Variants in RPF1 observed in about 807,000 individuals in gnomAD.
The protein encoded by RPF1 is ribosome production factor 1.
RPF1 carries 34 observed loss-of-function variants against 41.9 expected under a neutral mutation model. The observed-to-expected ratio is 0.81, with a 90% CI of 0.62 to 1.08. The LOEUF (loss-of-function observed/expected upper bound fraction) is 1.08, where lower values mean the gene tolerates loss of function less well. RPF1 is among the 50% of genes least tolerant of loss of function. The probability of loss-of-function intolerance (pLI) is 0.00; values close to 1 mark genes in which losing one functional copy is unlikely to be tolerated. For missense variants in RPF1, 425 were observed against 435.2 expected, an observed-to-expected ratio of 0.98 and a Z score of 0.21; for synonymous variants, 140 against 148.9, an observed-to-expected ratio of 0.94 and a Z score of 0.43.
rs759625845 is a variant in RPF1, at chr1:84,490,444, T to C, written c.588T>C (p.Ile196=). 3.1e-6 allele frequency: 5 copies of C among 1,602,422 alleles called. No homozygotes were observed. Among genetic ancestry groups the C allele is most frequent in the Non-Finnish European group, 4.3e-6 (5 of 1,176,246 alleles). ...QCIARDFTDL[I]VINEDRKTPN... is the part of the protein sequence containing the mutation. Reference sequence around the variant, plus strand: ...TCGCAAGAGATTTCACAGACCTGATTGTTATTAATGAAGATCGTAAAACCC... The same window carrying C: ...TCGCAAGAGATTTCACAGACCTGATCGTTATTAATGAAGATCGTAAAACCC... The change falls in exon 5 of 9, where the codon ATT becomes ATC. Residue 196 remains isoleucine (I), a synonymous_variant. Transcript: ENST00000370654.
intron 7 of RPF1, 44 bp downstream of exon 7, chr1:84,496,107 T>C (rs754136089): frequency 1.3e-6 from 2 of 1,505,520 alleles, no homozygotes; most frequent in Admixed American, 2.0e-5. Context: ...AATTATGAAA[T>C]ATATTTTCAA....
intron 3 of RPF1, among the ~76,000 whole-genome samples, chr1:84,483,685 A>G (rs963821326): frequency 6.6e-6 from 1 of 152,242 alleles, no homozygotes; most frequent in African/African-American, 2.4e-5. Context: ...TAGTTTCAAG[A>G]TAATCTTTCA....
Position 84,495,405 on chromosome 1 carries a change from C to T in RPF1, c.649C>T (p.Pro217Ser), listed in dbSNP as rs1681914985. 1 of 1,539,242 alleles carries T rather than the reference C, an allele frequency of 6.5e-7. No individual in the cohort carries two copies. The highest frequency in any genetic ancestry group is 8.9e-7 in the Non-Finnish European group (1 of 1,126,736). ...GLILSHLPNG[P>S]TAHFKMSSVR... Reference sequence around the variant, plus strand: ...TATTTTGAGTCACTTGCCAAATGGCCCAACTGCTCATTTTAAAATGAGCAG... The same window carrying T: ...TATTTTGAGTCACTTGCCAAATGGCTCAACTGCTCATTTTAAAATGAGCAG... The change falls in exon 6 of 9, where the codon CCA becomes TCA. Residue 217 changes from proline (P) to serine (S), a missense_variant. Pro to Ser is a moderately conservative substitution (Grantham distance 74). Coordinates refer to ENST00000370654, the MANE Select transcript of RPF1 (RefSeq NM_025065.7).
intron 5 of RPF1, among the ~76,000 whole-genome samples, chr1:84,493,056 C>G (rs1681862731): frequency 6.6e-6 from 1 of 152,164 alleles, no homozygotes; most frequent in Non-Finnish European, 1.5e-5. Flanking sequence ...AATAAAGCCT[C>G]TTGCACAATG....
chr1:84,496,432 GGAGA>G, intron 8 of RPF1, 62 bp downstream of exon 8: 1 of 1,434,232 alleles, frequency 7.0e-7, no homozygotes, highest in Non-Finnish European at 9.5e-7. Context: ...GAGGGTGGGA[GGAGA>G]GAGAGCATCA....
intron 5 of RPF1, among the ~76,000 whole-genome samples, chr1:84,491,848 A>G: frequency 6.6e-6 from 1 of 152,126 alleles, no homozygotes; most frequent in South Asian, 2.1e-4. Context: ...CACTTATACC[A>G]TCTATTGCCT....
At chr1:84,487,769 G>A (rs1681760947) in intron 3 of RPF1, among the ~76,000 whole-genome samples, 1 of 151,976 alleles carries the variant, frequency 6.6e-6, no homozygotes, top group African/African-American at 2.4e-5. Flanking sequence ...TGTGAGAATG[G>A]AAACCAGTTA....
In RPF1 at chr1:84,480,910, A is replaced by G. The variant is rs749659593; in HGVS notation, c.229-46A>G. ...TAGTTTCAGTATGTGTTTGTGATAT[A>G]ACTGGTTGTTTCTCAGTATTGTTCT... On this transcript the variant is annotated intron_variant, in intron 1 of 8. Coordinates refer to ENST00000370654, the MANE Select transcript of RPF1 (RefSeq NM_025065.7). 5.9e-6 allele frequency: 6 copies of G among 1,016,374 alleles called. 1 individual carries two copies. In the South Asian group the frequency reaches 6.8e-5, roughly 11 times the overall value. 63.0% of individuals were successfully genotyped at this position (1,016,374 alleles called of 1,614,324 possible). A position where few individuals can be genotyped will look rare whatever the true frequency, so the allele number is the denominator to read the frequency against.
intron 3 of RPF1, among the ~76,000 whole-genome samples, chr1:84,484,552 G>C (rs1422318567): frequency 6.6e-6 from 1 of 152,032 alleles, no homozygotes; most frequent in Non-Finnish European, 1.5e-5. Flanking sequence ...GAATAGTATA[G>C]ACCAGATATT....
At chr1:84,495,549 A>T in intron 6 of RPF1, 94 bp downstream of exon 6, 1 of 639,560 alleles carries the variant, frequency 1.6e-6, no homozygotes, top group Non-Finnish European at 2.6e-6. Flanking sequence ...ATTTATTTTA[A>T]TAATGGCATT....
At chr1:84,496,965 G>A (rs1052238385) in intron 8 of RPF1, among the ~76,000 whole-genome samples, 2 of 151,810 alleles carry the variant, frequency 1.3e-5, no homozygotes, top group Non-Finnish European at 2.9e-5. Flanking sequence ...TCCACCTCCC[G>A]GGTTCAAGCT....
chr1:84,486,986 GAGTTC>G (rs1304352610), intron 3 of RPF1, among the ~76,000 whole-genome samples: 3 of 152,144 alleles, frequency 2.0e-5, no homozygotes, highest in Non-Finnish European at 4.4e-5. Context: ...GGGAAATCAA[GAGTTC>G]AGTTTTGCAT....
At chr1:84,483,175 A>G (rs1681681836) in intron 3 of RPF1, 180 bp downstream of exon 3, 2 of 513,758 alleles carry the variant, frequency 3.9e-6, no homozygotes, top group Non-Finnish European at 7.1e-6. Flanking sequence ...TTTCCCAATA[A>G]TGCTATAGAA....
chr1:84,494,127 T>A (rs1286274699), intron 5 of RPF1, among the ~76,000 whole-genome samples: 1 of 152,234 alleles, frequency 6.6e-6, no homozygotes, highest in Non-Finnish European at 1.5e-5. Flanking sequence ...GACTTGATTT[T>A]ACAATCTGCA....
At chr1:84,487,674 A>G (rs1266970462) in intron 3 of RPF1, among the ~76,000 whole-genome samples, 3 of 152,250 alleles carry the variant, frequency 2.0e-5, no homozygotes, top group South Asian at 2.1e-4. Context: ...TCCTGTGATC[A>G]TAAGTTCTTC....
At chr1:84,483,561 C>T (rs539888552) in intron 3 of RPF1, among the ~76,000 whole-genome samples, 18 of 152,194 alleles carry the variant, frequency 1.2e-4, no homozygotes, top group Non-Finnish European at 1.2e-4. Flanking sequence ...GCCACTGCGC[C>T]TGGCCTGGTG....
intron 2 of RPF1, among the ~76,000 whole-genome samples, chr1:84,481,373 A>G (rs1681644145): frequency 6.6e-6 from 1 of 152,166 alleles, no homozygotes; most frequent in Non-Finnish European, 1.5e-5. Flanking sequence ...TCAGAGGTCA[A>G]CACCTCTCCC....
intron 3 of RPF1, among the ~76,000 whole-genome samples, chr1:84,487,427 C>A (rs1681755726): frequency 6.6e-6 from 1 of 152,092 alleles, no homozygotes; most frequent in African/African-American, 2.4e-5. Flanking sequence ...TAAGCCAGTT[C>A]ATGTCTTTTG....
chr1:84,487,177 G>C (rs1681752031), intron 3 of RPF1, among the ~76,000 whole-genome samples: 1 of 152,138 alleles, frequency 6.6e-6, no homozygotes, highest in Non-Finnish European at 1.5e-5. Context: ...GGATAATTTT[G>C]AGTCATGGAA....
Sources: gnomAD v4.1 joint callset for allele counts (sites outside exome capture counted in the v4.1 genomes callset) on GRCh38, gnomAD v4.1.1 for gene constraint, MANE v1.5 for transcripts, NCBI Gene and HGNC (gene_info 2026-07-23, HGNC 2026-07-21) for gene names.